Variants in MCM9 observed in about 807,000 individuals in gnomAD.
MCM9 encodes the protein minichromosome maintenance 9 homologous recombination repair factor.
Under a neutral mutation model 72.8 loss-of-function variants are expected in MCM9, and 55 were observed. The ratio of observed to expected loss-of-function variants is 0.76; its 90% CI spans 0.61 to 0.95. The LOEUF (loss-of-function observed/expected upper bound fraction) is 0.95, where lower values mean the gene tolerates loss of function less well. Ranked by LOEUF, MCM9 falls within the 40% of genes least tolerant of loss-of-function variation. MCM9 has a pLI of 0.00. For synonymous variants in MCM9, 480 were observed against 503.4 expected (o/e 0.95, Z 0.62); for missense variants, 1,279 against 1,377.0 (o/e 0.93, Z 1.13).
At chr6:118,870,397 A>G (rs927357137) in intron 8 of MCM9, among the ~76,000 whole-genome samples, 1 of 142,946 alleles carries the variant, frequency 7.0e-6, no homozygotes, top group Non-Finnish European at 1.5e-5. Flanking sequence ...CTGAACAACT[A>G]TTGGGTCAAA....
intron 9 of MCM9, among the ~76,000 whole-genome samples, chr6:118,851,617 T>C (rs1244648215): frequency 6.6e-6 from 1 of 151,820 alleles, no homozygotes. Flanking sequence ...ATAATTATAG[T>C]AATCTTTAAA....
intron 8 of MCM9, among the ~76,000 whole-genome samples, chr6:118,891,483 T>C (rs143282184): frequency 1.4e-4 from 22 of 152,280 alleles, no homozygotes; most frequent in African/African-American, 5.3e-4. Flanking sequence ...GATCAAGGTG[T>C]TGGCAGGTTT....
At chr6:118,851,319 T>C (rs1394306417) in intron 9 of MCM9, among the ~76,000 whole-genome samples, 1 of 151,796 alleles carries the variant, frequency 6.6e-6, no homozygotes, top group East Asian at 1.9e-4. Flanking sequence ...CCAAGCTCTG[T>C]TACTATAAGG....
chr6:118,824,246 A>G (rs1417648133), intron 13 of MCM9, among the ~76,000 whole-genome samples: 1 of 152,068 alleles, frequency 6.6e-6, no homozygotes, highest in Non-Finnish European at 1.5e-5. Flanking sequence ...TCAGCATCAA[A>G]TTGAGGTCAG....
At chr6:118,895,844 T>C (rs1280890692) in intron 8 of MCM9, among the ~76,000 whole-genome samples, 1 of 152,164 alleles carries the variant, frequency 6.6e-6, no homozygotes, top group African/African-American at 2.4e-5. Flanking sequence ...AAACTTTTCA[T>C]TTTAAAAACT....
intron 9 of MCM9, among the ~76,000 whole-genome samples, chr6:118,848,852 G>A (rs984613027): frequency 2.0e-5 from 3 of 152,080 alleles, no homozygotes; most frequent in South Asian, 2.1e-4. Flanking sequence ...AACCTGGGAG[G>A]AGCAGGTTGC....
At chr6:118,859,106 C>T (rs528717834) in intron 8 of MCM9, among the ~76,000 whole-genome samples, 56 of 152,134 alleles carry the variant, frequency 3.7e-4, no homozygotes, top group African/African-American at 1.3e-3. Flanking sequence ...AGTTGTCCCA[C>T]ACATAGAAGG....
chr6:118,881,743 A>G (rs1383468093), intron 8 of MCM9, among the ~76,000 whole-genome samples: 2 of 152,226 alleles, frequency 1.3e-5, no homozygotes, highest in Non-Finnish European at 2.9e-5. Flanking sequence ...TTTAAAATCC[A>G]ACCATTTATA....
intron 8 of MCM9, among the ~76,000 whole-genome samples, chr6:118,880,395 T>A (rs1379870595): frequency 2.6e-5 from 4 of 152,194 alleles, no homozygotes; most frequent in African/African-American, 4.8e-5. Context: ...TGTCCACTTG[T>A]CAGGATAGTA....
At chr6:118,920,796 TG>T (rs1781364659) in intron 5 of MCM9, 2 of 152,302 alleles carry the variant, frequency 1.3e-5, no homozygotes, top group Non-Finnish European at 2.9e-5. Context: ...GTACAGCCTG[TG>T]GAACTGTGAG....
intron 8 of MCM9, among the ~76,000 whole-genome samples, chr6:118,863,401 C>T (rs557729118): frequency 1.3e-5 from 2 of 152,096 alleles, no homozygotes; most frequent in South Asian, 2.1e-4. Context: ...AATTGATATG[C>T]TAAGTGAGGA....
chr6:118,825,911 T>C lies in MCM9; in HGVS notation c.1961+236A>G, dbSNP rs1197778734. Among the ~76,000 whole-genome samples the C allele has an allele frequency of 2.0e-5, 3 of 152,170 alleles. No homozygotes were observed. The East Asian group carries it at 5.8e-4, about 29-fold the overall frequency. ...CCTGAATGTCTGATACCCAGAAAAG[T>C]GAACACTAAAATGCTGGTGGGGGTG... On this transcript the variant is annotated intron_variant, in intron 13 of 13. Transcript: ENST00000619706.
chr6:118,913,252 T>C (rs751794139), intron 7 of MCM9, 43 bp downstream of exon 7: 3 of 1,603,874 alleles, frequency 1.9e-6, no homozygotes, highest in Admixed American at 3.4e-5. Context: ...CTAGCTTCCA[T>C]CCATGTGTCA....
rs146287621 is a variant in MCM9, at chr6:118,865,861, G to A, written c.1151-9316C>T. Among the ~76,000 whole-genome samples the A allele has an allele frequency of 4.3e-4, 65 of 152,102 alleles. 1 individual carries two copies. Among genetic ancestry groups the A allele is most frequent in the African/African-American group, 1.4e-3 (58 of 41,510 alleles). ...GGTCCTAGATCCAAGAAAAAAAGAG[G>A]TGGACATACAATGGGCCCACATCCA... On this transcript the variant is annotated intron_variant, in intron 8 of 13. Coordinates refer to ENST00000619706, the MANE Select transcript of MCM9 (RefSeq NM_017696.3).
At chr6:118,922,319 T>C (rs892856430) in intron 4 of MCM9, among the ~76,000 whole-genome samples, 26 of 152,186 alleles carry the variant, frequency 1.7e-4, no homozygotes, top group African/African-American at 6.3e-4. Flanking sequence ...ATAATCTACC[T>C]TGCGGGTGGT....
intron 7 of MCM9, chr6:118,912,172 TATAAAGTTTCTGATTTACTCTATTTTTAA>T (rs1020080575): frequency 6.5e-6 from 1 of 153,266 alleles, no homozygotes; most frequent in Non-Finnish European, 1.5e-5. Context: ...ATTTTTGGCT[TATAAAGTTTCTGATTTACTCTATTTTTAA>T]ATATCAAACT....
intron 9 of MCM9, among the ~76,000 whole-genome samples, chr6:118,843,673 T>TATAC (rs1491145219): frequency 1.0e-4 from 3 of 29,798 alleles, no homozygotes; most frequent in African/African-American, 3.3e-4. Flanking sequence ...TATATATGTA[T>TATAC]GTATATATAT....
intron 9 of MCM9, among the ~76,000 whole-genome samples, chr6:118,841,481 G>A (rs1252317563): frequency 6.6e-6 from 1 of 152,180 alleles, no homozygotes; most frequent in African/African-American, 2.4e-5. Context: ...CTTGGGTACT[G>A]AGCAAGCACC....
At chr6:118,898,243 A>G (rs1779568904) in intron 8 of MCM9, among the ~76,000 whole-genome samples, 1 of 152,192 alleles carries the variant, frequency 6.6e-6, no homozygotes, top group Non-Finnish European at 1.5e-5. Flanking sequence ...TTTAAACAAT[A>G]GGTATGAAGT....
Sources: allele counts gnomAD v4.1 joint callset (sites outside exome capture counted in the v4.1 genomes callset), GRCh38; gene constraint gnomAD v4.1.1; transcripts MANE v1.5; gene names NCBI Gene and HGNC (gene_info 2026-07-23, HGNC 2026-07-21).